Variants in PDE2A observed in about 807,000 individuals in gnomAD.
The protein encoded by PDE2A is cGMP-dependent 3',5'-cyclic phosphodiesterase.
In PDE2A, 53 loss-of-function variants were observed where a neutral mutation model predicts 133.6. The observed-to-expected ratio is 0.40, with a 90% CI of 0.32 to 0.50. PDE2A has a LOEUF of 0.50. Ranked by LOEUF, PDE2A falls within the 20% of genes least tolerant of loss-of-function variation. The pLI, the probability that PDE2A is intolerant of heterozygous loss-of-function variation, is 0.73. For missense variants in PDE2A, 796 were observed against 1,232.4 expected (o/e 0.65, Z 5.30); for synonymous variants, 491 against 490.2 (o/e 1.00, Z -0.02).
At chr11:72,621,733 T>G (rs1220170382) in intron 2 of PDE2A, 1 of 152,192 alleles carries the variant, frequency 6.6e-6, no homozygotes, top group African/African-American at 2.4e-5. Context: ...TTCAGCATCA[T>G]CCAGGACCTC....
chr11:72,591,445 T>C, intron 6 of PDE2A, 89 bp from the exon 7 acceptor site: 1 of 947,302 alleles, frequency 1.1e-6, no homozygotes, highest in South Asian at 1.3e-5. Flanking sequence ...CACACACTGG[T>C]CCCCACCAAC....
chr11:72,608,562 G>A (rs1304113524), intron 3 of PDE2A, 100 bp downstream of exon 3: 2 of 682,870 alleles, frequency 2.9e-6, no homozygotes, highest in Middle Eastern at 3.8e-4. Flanking sequence ...CAGGGACCCT[G>A]CCTCTTCCTT....
In PDE2A at chr11:72,578,410, G is replaced by A; in HGVS notation, c.2508+66C>T. On this transcript the variant is annotated intron_variant, in intron 29 of 30. Transcript: ENST00000334456. The surrounding 1 kb of genome is among the most constrained non-coding windows in gnomAD (Gnocchi z 4.2). ...GGGTACCAGGGTCAGGCTAGTTCAA[G>A]CCCTCCCTGTCCCAGGCCAGGAACC... The A allele has an allele frequency of 1.9e-6, 3 of 1,578,398 alleles. No homozygotes were observed. Among genetic ancestry groups the A allele is most frequent in the Non-Finnish European group, 2.6e-6 (3 of 1,147,550 alleles).
chr11:72,584,773 G>A (rs749815146), intron 17 of PDE2A, 45 bp from the exon 18 acceptor site: 3 of 1,610,420 alleles, frequency 1.9e-6, no homozygotes, highest in Non-Finnish European at 2.5e-6. Flanking sequence ...TTAGTGACCC[G>A]GCCACAGAGG....
At chr11:72,601,817 C>T (rs557000089) in intron 4 of PDE2A, among the ~76,000 whole-genome samples, 1 of 152,286 alleles carries the variant, frequency 6.6e-6, no homozygotes, top group South Asian at 2.1e-4. Flanking sequence ...GCCCCAAGGT[C>T]GTTTGCAGCC....
Position 72,579,529 on chromosome 11 carries a change from ATC to A in PDE2A, c.2256+3_2256+4del. 33 of 1,031,316 alleles carry A rather than the reference ATC, an allele frequency of 3.2e-5. No individual in the cohort carries two copies. Among genetic ancestry groups the A allele is most frequent in the Non-Finnish European group, 4.5e-5 (32 of 708,214 alleles). 63.9% of individuals were successfully genotyped at this position (1,031,316 alleles called of 1,614,324 possible). ...CAATCCCCACCCCACCCCCAACCCC[ATC>A]ACCTTCCGGGAGAAATGATCAAAGA... On this transcript the variant is annotated splice_donor_region_variant and intron_variant, in intron 26 of 30. Coordinates refer to ENST00000334456, the MANE Select transcript of PDE2A (RefSeq NM_002599.5).
At chr11:72,633,635 G>A (rs1858531084) in intron 2 of PDE2A, among the ~76,000 whole-genome samples, 1 of 152,150 alleles carries the variant, frequency 6.6e-6, no homozygotes, top group Non-Finnish European at 1.5e-5. Flanking sequence ...ATGTGTCTGT[G>A]TCTGGGTGCA....
At chr11:72,673,421 A>ACACACACACC (rs761245734) in intron 1 of PDE2A, among the ~76,000 whole-genome samples, 26 of 147,628 alleles carry the variant, frequency 1.8e-4, no homozygotes, top group African/African-American at 6.7e-4. Context: ...ACACACACAT[A>ACACACACACC]CCCTGCCTAC....
intron 17 of PDE2A, 52 bp downstream of exon 17, chr11:72,584,820 G>C: frequency 6.2e-7 from 1 of 1,609,716 alleles, no homozygotes. Context: ...CAGCGCCGCC[G>C]GCGGACTCCC....
At chr11:72,601,033 G>A (rs974528535) in intron 4 of PDE2A, among the ~76,000 whole-genome samples, 1 of 150,256 alleles carries the variant, frequency 6.7e-6, no homozygotes, top group Non-Finnish European at 1.5e-5. Flanking sequence ...TCTCTACTTT[G>A]GAGAAGCCCC....
rs1856184490 is a variant in PDE2A, at chr11:72,590,361, C to G, written c.703+66G>C. 1 of 1,544,904 alleles carries G rather than the reference C, an allele frequency of 6.5e-7. No individual in the cohort carries two copies. The highest frequency in any genetic ancestry group is 1.2e-5 in the South Asian group (1 of 84,040). On this transcript the variant is annotated intron_variant, in intron 8 of 30. Transcript: ENST00000334456. This position sits in a 1 kb window ranked among gnomAD's most constrained non-coding sequence, Gnocchi z 4.8. ...CCGCCGGCTCCCGGGATCGCCTAAC[C>G]CGCCCACCTCCCCTCCAAGTTCTGC...
At chr11:72,637,936 A>T (rs1161144648) in intron 2 of PDE2A, among the ~76,000 whole-genome samples, 1 of 152,212 alleles carries the variant, frequency 6.6e-6, no homozygotes, top group East Asian at 1.9e-4. Context: ...AAGAAGACTG[A>T]GGCAGAATGA....
chr11:72,598,945 G>A (rs1856609023), intron 4 of PDE2A: 1 of 985,304 alleles, frequency 1.0e-6, no homozygotes, highest in African/African-American at 1.7e-5. Context: ...GTCACCCCGG[G>A]AAGGAGAGGG....
intron 2 of PDE2A, among the ~76,000 whole-genome samples, chr11:72,631,889 C>A (rs915923497): frequency 7.9e-5 from 12 of 152,134 alleles, no homozygotes; most frequent in African/African-American, 2.9e-4. Flanking sequence ...CCACCCCCAC[C>A]CAACAAGCCT....
chr11:72,591,310 G>A lies in PDE2A; in HGVS notation c.536C>T (p.Ala179Val), dbSNP rs755233264. ...LSDNEEWSLQ[A>V]VEKHTLVALR... The stretch of plus-strand genomic sequence containing the variant: ...ACTCCCACTCACATGCTTCTCCACC[G>A]CCTGCAGGCTCCATTCCTCATTATC... Residue 179 changes from alanine to valine, a missense_variant, in exon 7 of 31, where the codon GCG becomes GTG. Around this residue, in one of 7 missense-constraint regions of PDE2A, gnomAD observed 417 missense variants for 475.3 expected, o/e 0.88. Transcript: ENST00000334456. The A allele has an allele frequency of 1.2e-5, 19 of 1,613,268 alleles. No homozygotes were observed. The highest frequency in any genetic ancestry group is 1.1e-4 in the East Asian group (5 of 44,884).
At position 72,591,394 on chromosome 11, in the gene PDE2A, C is replaced by T. The variant is rs190531511; in HGVS notation, c.490-38G>A. 5.2e-6 allele frequency: 8 copies of T among 1,551,048 alleles called. No individual in the cohort carries two copies. The Admixed American group carries it at 8.3e-5, about 16-fold the overall frequency. On this transcript the variant is annotated intron_variant, in intron 6 of 30. Coordinates refer to ENST00000334456, the MANE Select transcript of PDE2A (RefSeq NM_002599.5). ...GAGAAGGGAACTAGCTGTGACCTCT[C>T]TCAGTGTCTGTCTCTGCCAGAGTGC...
intron 1 of PDE2A, among the ~76,000 whole-genome samples, chr11:72,654,850 CCT>C (rs1854846426): frequency 6.6e-6 from 1 of 152,206 alleles, no homozygotes; most frequent in Non-Finnish European, 1.5e-5. Context: ...GGTGGGCTTG[CCT>C]CACATCCCCA....
chr11:72,646,026 C>T (rs1859119997), intron 1 of PDE2A, among the ~76,000 whole-genome samples: 3 of 152,222 alleles, frequency 2.0e-5, no homozygotes, highest in Admixed American at 6.5e-5. Flanking sequence ...TTCCCAGCTC[C>T]TCTTTTGTCC....
intron 1 of PDE2A, among the ~76,000 whole-genome samples, chr11:72,661,421 G>T (rs367195): frequency 0.069 from 10,460 of 152,116 alleles, 1,185 homozygotes; most frequent in African/African-American, 0.24. Context: ...TTTTTGGGGG[G>T]GTTTTTTGGC....
Sources: allele counts gnomAD v4.1 joint callset (sites outside exome capture counted in the v4.1 genomes callset), GRCh38; gene constraint gnomAD v4.1.1; regional missense constraint gnomAD v4.1.1; non-coding constraint Gnocchi (gnomAD v3.1); transcripts MANE v1.5; gene names NCBI Gene and HGNC (gene_info 2026-07-23, HGNC 2026-07-21).